The following TRHDE variants were observed in gnomAD, a reference collection of about 807,000 sequenced individuals.
TRHDE encodes the protein thyrotropin-releasing hormone-degrading ectoenzyme.
Under a neutral mutation model 125.7 loss-of-function variants are expected in TRHDE, and 72 were observed. The observed-to-expected ratio is 0.57, with a 90% CI of 0.47 to 0.70. The LOEUF (loss-of-function observed/expected upper bound fraction) is 0.70. TRHDE is among the 30% of genes least tolerant of loss of function. TRHDE has a pLI of 0.00. For synonymous variants in TRHDE, 509 were observed against 509.1 expected (o/e 1.00, Z 0.00); for missense variants, 1,110 against 1,327.1 (o/e 0.84, Z 2.54).
intron 2 of TRHDE, among the ~76,000 whole-genome samples, chr12:72,344,374 A>G (rs531057635): frequency 1.6e-4 from 24 of 152,284 alleles, no homozygotes; most frequent in Admixed American, 3.3e-4. Context: ...ATTATCACAT[A>G]TCTTTTAATT....
At chr12:72,095,915 G>T (rs982581972) in intron 1 of TRHDE, among the ~76,000 whole-genome samples, 7 of 152,106 alleles carry the variant, frequency 4.6e-5, no homozygotes, top group African/African-American at 9.7e-5. Context: ...CTATAATGTG[G>T]TTGGGCCTCC....
At chr12:72,630,056 A>G (rs1360206437) in intron 15 of TRHDE, among the ~76,000 whole-genome samples, 1 of 150,338 alleles carries the variant, frequency 6.7e-6, no homozygotes, top group Non-Finnish European at 1.5e-5. Flanking sequence ...ATATATATAA[A>G]GTATTTGAAA....
intron 6 of TRHDE, among the ~76,000 whole-genome samples, chr12:72,532,978 G>A (rs1462889336): frequency 1.3e-5 from 2 of 151,792 alleles, no homozygotes; most frequent in African/African-American, 4.8e-5. Context: ...TTGTTGAAAA[G>A]CTTGTACTCA....
chr12:72,653,196 C>G (rs753771450), intron 17 of TRHDE, 40 bp downstream of exon 17: 1 of 1,564,868 alleles, frequency 6.4e-7, no homozygotes, highest in South Asian at 1.2e-5. Flanking sequence ...TAAATTAAAG[C>G]CGACATAGGA....
chr12:72,538,018 T>C (rs1868953985), intron 6 of TRHDE, among the ~76,000 whole-genome samples: 2 of 152,100 alleles, frequency 1.3e-5, no homozygotes, highest in African/African-American at 4.8e-5. Context: ...TAATCTAAAT[T>C]CTTATTAGCT....
rs1158324305 is a variant in TRHDE, at chr12:72,471,179, C to T, written c.1470+1267C>T. On this transcript the variant is annotated intron_variant, in intron 4 of 18. Coordinates refer to ENST00000261180, the MANE Select transcript of TRHDE (RefSeq NM_013381.3). ...AGGCGTGAGCCACCGTGCCCAGCCC[C>T]TAAATGTCAGTTTTTTGCACTGAAC... is the stretch of plus-strand genomic sequence containing the variant. 2.0e-5 allele frequency among the ~76,000 whole-genome samples: 3 copies of T among 151,986 alleles called. No individual in the cohort carries two copies. In the East Asian group the frequency reaches 5.8e-4, roughly 29 times the overall value.
At chr12:72,523,167 A>T (rs143490042) in intron 6 of TRHDE, among the ~76,000 whole-genome samples, 110 of 152,214 alleles carry the variant, frequency 7.2e-4, no homozygotes, top group Middle Eastern at 3.4e-3. Context: ...TTCCTGAAGA[A>T]TAAGGATATA....
At chr12:72,410,885 AG>A (rs1366915548) in intron 3 of TRHDE, among the ~76,000 whole-genome samples, 3 of 151,644 alleles carry the variant, frequency 2.0e-5, no homozygotes, top group Non-Finnish European at 2.9e-5. Context: ...AAAAAAAAAA[AG>A]ATTTGAGATT....
chr12:72,542,261 T>G (rs1869188931), intron 6 of TRHDE, 30 bp from the exon 7 acceptor site: 3 of 1,529,154 alleles, frequency 2.0e-6, no homozygotes, highest in South Asian at 1.3e-5. Context: ...TTTGTTGAAA[T>G]TCTGTTCTTT....
At chr12:72,568,543 T>G in intron 9 of TRHDE, 25 bp from the exon 10 acceptor site, 1 of 1,554,032 alleles carries the variant, frequency 6.4e-7, no homozygotes, top group Non-Finnish European at 8.8e-7. Context: ...ATTTTTATTC[T>G]TAAAGCTTGT....
At chr12:72,156,391 C>T (rs567676961) in intron 2 of TRHDE, among the ~76,000 whole-genome samples, 25 of 152,316 alleles carry the variant, frequency 1.6e-4, no homozygotes, top group Admixed American at 3.9e-4. Context: ...CGGTGCACTG[C>T]ACCCACTGTC....
chr12:72,338,788 C>A (rs538376973), intron 2 of TRHDE, among the ~76,000 whole-genome samples: 66 of 152,236 alleles, frequency 4.3e-4, no homozygotes, highest in African/African-American at 1.4e-3. Context: ...TGTGAACCTA[C>A]AACATGTCTT....
intron 2 of TRHDE, among the ~76,000 whole-genome samples, chr12:72,122,392 C>T (rs1390539156): frequency 6.6e-6 from 1 of 151,980 alleles, no homozygotes; most frequent in African/African-American, 2.4e-5. Context: ...AATTTTTCTC[C>T]ACATAAGAAT....
chr12:72,472,659 C>CT (rs1195602497), intron 4 of TRHDE, among the ~76,000 whole-genome samples: 6 of 152,140 alleles, frequency 3.9e-5, no homozygotes, highest in African/African-American at 1.4e-4. Flanking sequence ...TCTGCGTTTT[C>CT]AGCAGACATT....
chr12:72,088,696 C>T (rs1357981348), intron 1 of TRHDE, among the ~76,000 whole-genome samples: 1 of 152,018 alleles, frequency 6.6e-6, no homozygotes, highest in Non-Finnish European at 1.5e-5. Context: ...TTCTGTTCTT[C>T]TCACATCTCT....
intron 2 of TRHDE, among the ~76,000 whole-genome samples, chr12:72,318,541 T>G (rs1211221537): frequency 6.6e-6 from 1 of 152,096 alleles, no homozygotes; most frequent in Non-Finnish European, 1.5e-5. Flanking sequence ...TGATGTTCCC[T>G]GAGATTGTTT....
intron 2 of TRHDE, among the ~76,000 whole-genome samples, chr12:72,357,298 T>C (rs1460446101): frequency 6.6e-6 from 1 of 151,534 alleles, no homozygotes; most frequent in East Asian, 1.9e-4. Context: ...ACTCAAAAAA[T>C]ACCAAGATGT....
intron 3 of TRHDE, among the ~76,000 whole-genome samples, chr12:72,416,653 T>C (rs537678477): frequency 6.6e-6 from 1 of 152,236 alleles, no homozygotes; most frequent in East Asian, 1.9e-4. Context: ...CCAAAGTAAG[T>C]TCTTGGCAAC....
Position 72,272,673 on chromosome 12 carries a change from AGAG to A in TRHDE, c.37_39del (p.Glu13del), listed in dbSNP as rs777747121. On this transcript the variant is annotated inframe_deletion, in exon 1 of 19. Coordinates refer to ENST00000261180, the MANE Select transcript of TRHDE (RefSeq NM_013381.3). This position sits in a 1 kb window ranked among gnomAD's most constrained non-coding sequence, Gnocchi z 6.7. ...CCCTGGACGGCGAGCTGGGGGAGCA[AGAG>A]GAGGAGAAGAAAAAGAAGAAGAAAA... is the stretch of plus-strand genomic sequence containing the variant. The A allele has an allele frequency of 4.3e-5, 54 of 1,257,444 alleles. No individual in the cohort carries two copies. The Admixed American group carries it at 4.8e-4, about 11-fold the overall frequency. 77.9% of individuals were successfully genotyped at this position (1,257,444 alleles called of 1,614,324 possible). A position where few individuals can be genotyped will look rare whatever the true frequency, so the allele number is the denominator to read the frequency against.
Sources: allele counts gnomAD v4.1 joint callset (sites outside exome capture counted in the v4.1 genomes callset), GRCh38; gene constraint gnomAD v4.1.1; non-coding constraint Gnocchi (gnomAD v3.1); transcripts MANE v1.5; gene names NCBI Gene and HGNC (gene_info 2026-07-23, HGNC 2026-07-21).